PFKFB1: variants seen among roughly 807,000 people sequenced by gnomAD.
The protein encoded by PFKFB1 is 6-phosphofructo-2-kinase/fructose-2,6-bisphosphatase 1.
Under a neutral mutation model 46.4 loss-of-function variants are expected in PFKFB1, and 34 were observed. The ratio of observed to expected loss-of-function variants is 0.73; its 90% CI spans 0.56 to 0.98. The LOEUF is 0.98. PFKFB1 is among the 50% of genes least tolerant of loss of function. The pLI is 0.00. For missense variants in PFKFB1, 393 were observed against 376.3 expected (o/e 1.04, Z -0.37); for synonymous variants, 119 against 133.8 (o/e 0.89, Z 0.76).
chrX:54,978,297 T>G (rs1660164262), intron 1 of PFKFB1, among the ~76,000 whole-genome samples: 1 of 111,476 alleles, frequency 9.0e-6, no homozygotes, highest in South Asian at 3.7e-4. Flanking sequence ...CACACTTATA[T>G]ATATACATTG....
In PFKFB1 at chrX:54,963,397, G is replaced by A. The variant is rs2146640301; in HGVS notation, c.98-15C>T. 8.3e-7 allele frequency: 1 copy of A among 1,207,145 alleles called. No homozygotes were observed. The highest frequency in any genetic ancestry group is 1.1e-6 in the Non-Finnish European group (1 of 892,043). On this transcript the variant is annotated splice_polypyrimidine_tract_variant and intron_variant, in intron 1 of 13. Transcript: ENST00000375006. The stretch of plus-strand genomic sequence containing the variant: ...GGGTATGGATGCTGAAAAATAAACA[G>A]ACCCTCAAAAGCTTATCCTCAGATT...
chrX:54,995,321 T>C (rs768923693), upstream of PFKFB1, among the ~76,000 whole-genome samples: 1 of 112,036 alleles, frequency 8.9e-6, no homozygotes, highest in Admixed American at 9.4e-5. Flanking sequence ...GGCAATCTCT[T>C]GGGGACAGAA....
intron 1 of PFKFB1, among the ~76,000 whole-genome samples, chrX:54,988,157 A>C (rs768053396): frequency 3.1e-4 from 35 of 111,911 alleles, no homozygotes; most frequent in Non-Finnish European, 5.1e-4. Context: ...GCAGAATATA[A>C]GATCAATATA....
intron 1 of PFKFB1, 151 bp from the exon 2 acceptor site, chrX:54,963,533 C>T (rs1372097016): frequency 3.6e-5 from 20 of 558,672 alleles, no homozygotes; most frequent in Non-Finnish European, 5.5e-5. Flanking sequence ...TTCTCTCAGA[C>T]TCATCAGAAA....
intron 1 of PFKFB1, among the ~76,000 whole-genome samples, chrX:54,978,703 T>C (rs1410283981): frequency 9.0e-6 from 1 of 111,527 alleles, no homozygotes; most frequent in Non-Finnish European, 1.9e-5. Context: ...AAGGTTAATA[T>C]CATCAGCAAT....
chrX:54,994,036 G>A lies in PFKFB1; in HGVS notation c.-29C>T. The A allele has an allele frequency of 8.4e-7, 1 of 1,184,838 alleles. No homozygotes were observed. Among genetic ancestry groups the A allele is most frequent in the Non-Finnish European group, 1.1e-6 (1 of 881,243 alleles). On this transcript the variant is annotated 5_prime_UTR_variant, in exon 1 of 14. Transcript: ENST00000375006. ...AGGAGTCGCACCGAATGACATCACT[G>A]CCCACAAGGTACCTGGCCTCACTTC...
rs892463026 is a variant in PFKFB1, at chrX:54,981,715, A to G, written c.97+12196T>C. On this transcript the variant is annotated intron_variant, in intron 1 of 13. Transcript: ENST00000375006. Reference sequence around the variant, plus strand: ...TTGAGAAACAACAATAAAAATGTCTATTTCATGGGTTTATAAAACAACTAA... The same window carrying G: ...TTGAGAAACAACAATAAAAATGTCTGTTTCATGGGTTTATAAAACAACTAA... 5.4e-5 allele frequency among the ~76,000 whole-genome samples: 6 copies of G among 111,834 alleles called. No homozygotes were observed. The East Asian group carries it at 1.7e-3, about 31-fold the overall frequency.
At chrX:54,955,464 G>T (rs765652612) in intron 7 of PFKFB1, among the ~76,000 whole-genome samples, 1 of 109,132 alleles carries the variant, frequency 9.2e-6, no homozygotes, top group African/African-American at 3.5e-5. Flanking sequence ...TAGTTGGTAT[G>T]ATGACAGAAC....
chrX:54,940,903 T>C (rs1933602496), intron 10 of PFKFB1, among the ~76,000 whole-genome samples: 1 of 111,485 alleles, frequency 9.0e-6, no homozygotes, highest in Admixed American at 9.5e-5. Context: ...TTAAAGTTCG[T>C]ATGGAACCAA....
intron 10 of PFKFB1, among the ~76,000 whole-genome samples, chrX:54,943,106 TGAA>T (rs1449370128): frequency 8.9e-6 from 1 of 111,756 alleles, no homozygotes; most frequent in African/African-American, 3.3e-5. Flanking sequence ...TTTCCAGACT[TGAA>T]GAAGAATCCC....
At position 54,945,656 on chromosome X, in the gene PFKFB1, T is replaced by G. The variant is rs1332196584; in HGVS notation, c.994-113A>C. Reference sequence around the variant, plus strand: ...TAGCACATGAGCACCTGGGTCTCTGTGAACACAGCTCTGGGTTTGTGCCTG... The same window carrying G: ...TAGCACATGAGCACCTGGGTCTCTGGGAACACAGCTCTGGGTTTGTGCCTG... On this transcript the variant is annotated intron_variant, in intron 9 of 13. Transcript: ENST00000375006. The G allele has an allele frequency of 1.4e-5, 7 of 500,921 alleles. No homozygotes were observed. In the Admixed American group the frequency reaches 2.4e-4, roughly 17 times the overall value. The allele number at this position is 500,921 out of a possible 1,213,427, so 41.3% of individuals were successfully genotyped here.
upstream of PFKFB1, among the ~76,000 whole-genome samples, chrX:54,996,707 T>C (rs991430348): frequency 2.7e-5 from 3 of 111,907 alleles, no homozygotes; most frequent in African/African-American, 9.8e-5. Context: ...TGTCCAGCCA[T>C]ATCTCTCCTT....
At chrX:54,968,230 C>T in intron 1 of PFKFB1, among the ~76,000 whole-genome samples, 1 of 69,740 alleles carries the variant, frequency 1.4e-5, no homozygotes, top group Non-Finnish European at 2.6e-5. Flanking sequence ...AACAAAAAAC[C>T]AAACACCGCA....
chrX:54,966,763 C>T (rs768289889), intron 1 of PFKFB1, among the ~76,000 whole-genome samples: 2 of 111,608 alleles, frequency 1.8e-5, no homozygotes, highest in South Asian at 7.5e-4. Context: ...CCTCCTGCTA[C>T]TTGTTTCTGG....
At chrX:54,974,330 C>G (rs1934775758) in intron 1 of PFKFB1, among the ~76,000 whole-genome samples, 1 of 111,525 alleles carries the variant, frequency 9.0e-6, no homozygotes. Context: ...TTTAACAAAG[C>G]ATGCAATAAC....
chrX:54,965,417 G>A (rs902839497), intron 1 of PFKFB1, among the ~76,000 whole-genome samples: 3 of 111,744 alleles, frequency 2.7e-5, no homozygotes, highest in African/African-American at 9.7e-5. Context: ...AACCTTTAAA[G>A]TATTGTAAGA....
At chrX:54,952,549 CTTT>C (rs370373133) in intron 7 of PFKFB1, among the ~76,000 whole-genome samples, 3 of 100,720 alleles carry the variant, frequency 3.0e-5, no homozygotes, top group Non-Finnish European at 2.0e-5. Flanking sequence ...CTTCACTCCT[CTTT>C]TTTTTTTTTT....
At chrX:54,961,897 C>A (rs1934325117) in intron 2 of PFKFB1, among the ~76,000 whole-genome samples, 2 of 111,228 alleles carry the variant, frequency 1.8e-5, no homozygotes, top group Admixed American at 9.6e-5. Context: ...ACAGCTTGAG[C>A]AAGAGTATGG....
At chrX:54,998,403 T>C, upstream of PFKFB1, 1 of 1,148,989 alleles carries the variant, frequency 8.7e-7, no homozygotes, top group South Asian at 1.9e-5. Flanking sequence ...CTTTCTCACC[T>C]ACCTTTTATT....
Sources: gnomAD v4.1 joint callset for allele counts (sites outside exome capture counted in the v4.1 genomes callset) on GRCh38, gnomAD v4.1.1 for gene constraint, MANE v1.5 for transcripts, NCBI Gene and HGNC (gene_info 2026-07-23, HGNC 2026-07-21) for gene names.